TECRL: variants seen among roughly 807,000 people sequenced by gnomAD.
TECRL encodes the protein trans-2,3-enoyl-CoA reductase-like.
TECRL carries 63 observed loss-of-function variants against 52.8 expected under a neutral mutation model. The ratio of observed to expected loss-of-function variants is 1.19; its 90% CI spans 0.97 to 1.47. The LOEUF (loss-of-function observed/expected upper bound fraction) is 1.47. TECRL is among the 40% of genes most tolerant of loss of function. The pLI, the probability that TECRL is intolerant of heterozygous loss-of-function variation, is 0.00. For synonymous variants in TECRL, 164 were observed against 141.9 expected, an observed-to-expected ratio of 1.16 and a Z score of -1.10; for missense variants, 482 against 429.6, an observed-to-expected ratio of 1.12 and a Z score of -1.08.
intron 2 of TECRL, among the ~76,000 whole-genome samples, chr4:64,362,773 A>G (rs934039238): frequency 4.6e-5 from 7 of 152,132 alleles, no homozygotes; most frequent in Non-Finnish European, 1.0e-4. Context: ...CATTGACTCT[A>G]AAAACAAGTG....
rs543266534 is a variant in TECRL at position 64,299,956 on chromosome 4, T to C, written c.774+18A>G. 95 of 1,503,638 alleles carry C rather than the reference T, an allele frequency of 6.3e-5. 3 individuals carry two copies. The South Asian group carries it at 1.1e-3, about 17-fold the overall frequency. 93.1% of individuals were successfully genotyped at this position (1,503,638 alleles called of 1,614,324 possible). A position where few individuals can be genotyped will look rare whatever the true frequency, so the allele number is the denominator to read the frequency against. ...CAAAATTAGAGCGTGAATAGCAAAA[T>C]ATATATATGATACATACCAGAAAAT... On this transcript the variant is annotated intron_variant, in intron 8 of 11. Coordinates refer to ENST00000381210, the MANE Select transcript of TECRL (RefSeq NM_001010874.5).
chr4:64,299,643 T>A (rs2109972427), intron 8 of TECRL, among the ~76,000 whole-genome samples: 1 of 151,162 alleles, frequency 6.6e-6, no homozygotes, highest in Non-Finnish European at 1.5e-5. Flanking sequence ...TTGGGGTGTT[T>A]GTCTGTAAGA....
At chr4:64,280,472 T>G (rs1722767214) in intron 11 of TECRL, among the ~76,000 whole-genome samples, 1 of 152,178 alleles carries the variant, frequency 6.6e-6, no homozygotes, top group Admixed American at 6.5e-5. Flanking sequence ...TTTATTTTTG[T>G]ACTTAAAAAT....
chr4:64,367,405 A>G (rs1721673727), intron 2 of TECRL, among the ~76,000 whole-genome samples: 1 of 152,162 alleles, frequency 6.6e-6, no homozygotes, highest in African/African-American at 2.4e-5. Flanking sequence ...AAATAATAAA[A>G]TAAAATTCTT....
intron 2 of TECRL, among the ~76,000 whole-genome samples, chr4:64,344,613 A>AGTGTAATTTAAAATTAAG (rs979699870): frequency 6.6e-6 from 1 of 152,198 alleles, no homozygotes; most frequent in Non-Finnish European, 1.5e-5. Context: ...TTTAAAACAA[A>AGTGTAATTTAAAATTAAG]GTGTAATTTA....
In TECRL at chr4:64,314,661, G is replaced by A; in HGVS notation, c.538C>T (p.His180Tyr). Residue 180 changes from histidine (H) to tyrosine (Y), a missense_variant, in exon 5 of 12, where the codon CAC (histidine) becomes TAC (tyrosine). Transcript: ENST00000381210. ...DGKESARRLR[H>Y]PVVHLACFCH... The stretch of plus-strand genomic sequence containing the variant: ...TGTATCACTTACTGTACCACTGGGT[G>A]GCGTAATCTTCTAGCACTCTCTTTT... 1.9e-6 allele frequency: 3 copies of A among 1,596,386 alleles called. No individual in the cohort carries two copies. The highest frequency in any genetic ancestry group is 2.6e-6 in the Non-Finnish European group (3 of 1,166,506).
chr4:64,331,718 C>A (rs1169518025), intron 2 of TECRL, among the ~76,000 whole-genome samples: 1 of 151,914 alleles, frequency 6.6e-6, no homozygotes, highest in Non-Finnish European at 1.5e-5. Flanking sequence ...ACCTTTTGTA[C>A]CTTATGATTA....
intron 1 of TECRL, among the ~76,000 whole-genome samples, chr4:64,408,096 G>T (rs971882948): frequency 1.3e-5 from 2 of 151,570 alleles, no homozygotes; most frequent in South Asian, 4.1e-4. Flanking sequence ...ATGAATTAAA[G>T]TTAATATAAC....
At chr4:64,360,437 A>G (rs1721094393) in intron 2 of TECRL, among the ~76,000 whole-genome samples, 1 of 152,056 alleles carries the variant, frequency 6.6e-6, no homozygotes, top group South Asian at 2.1e-4. Context: ...AAATGAAAAT[A>G]TACAGACAAA....
At chr4:64,345,858 T>A (rs1168377801) in intron 2 of TECRL, among the ~76,000 whole-genome samples, 1 of 123,204 alleles carries the variant, frequency 8.1e-6, no homozygotes, top group Non-Finnish European at 1.6e-5. Context: ...TTGTAACATC[T>A]TCTTCCACTG....
intron 2 of TECRL, among the ~76,000 whole-genome samples, chr4:64,336,394 C>G (rs906971905): frequency 6.6e-6 from 1 of 151,846 alleles, no homozygotes; most frequent in Non-Finnish European, 1.5e-5. Context: ...CTATTTGAAT[C>G]TTCTCTCTTC....
intron 8 of TECRL, among the ~76,000 whole-genome samples, chr4:64,292,852 T>C (rs1723466376): frequency 6.6e-6 from 1 of 152,070 alleles, no homozygotes; most frequent in South Asian, 2.1e-4. Context: ...TAATATGTAA[T>C]GTTCTTTTTC....
At chr4:64,328,689 A>T in intron 2 of TECRL, 133 bp from the exon 3 acceptor site, 1 of 696,494 alleles carries the variant, frequency 1.4e-6, no homozygotes, top group South Asian at 1.9e-5. Context: ...AGAAATAGAA[A>T]TAGTGGTTAC....
chr4:64,364,710 T>G (rs2109629538), intron 2 of TECRL, among the ~76,000 whole-genome samples: 1 of 151,562 alleles, frequency 6.6e-6, no homozygotes, highest in African/African-American at 2.4e-5. Context: ...TTGAAAAAAA[T>G]AAATTGAAAT....
intron 9 of TECRL, among the ~76,000 whole-genome samples, chr4:64,287,323 C>T (rs978022697): frequency 2.0e-5 from 3 of 152,142 alleles, no homozygotes; most frequent in East Asian, 1.9e-4. Flanking sequence ...CATATATTCA[C>T]CATTGTTCTA....
chr4:64,387,431 G>A (rs1384862496), intron 1 of TECRL, among the ~76,000 whole-genome samples: 2 of 152,088 alleles, frequency 1.3e-5, no homozygotes, highest in Non-Finnish European at 2.9e-5. Flanking sequence ...ATACCAAGGA[G>A]CATGACTGCT....
rs535012392 is a variant in TECRL at position 64,374,631 on chromosome 4, A to C, written c.286+541T>G. Among the ~76,000 whole-genome samples, 33 of 151,092 alleles carry C rather than the reference A, an allele frequency of 2.2e-4. No individual in the cohort carries two copies. The East Asian group carries it at 6.5e-3, about 30-fold the overall frequency. The stretch of plus-strand genomic sequence containing the variant: ...CTGTGTCCATGTGTTCTCATTGTTC[A>C]ATTCCCACCTATGAGTGAGAACATG... On this transcript the variant is annotated intron_variant, in intron 2 of 11. Transcript: ENST00000381210.
chr4:64,362,933 T>C (rs905326480), intron 2 of TECRL, among the ~76,000 whole-genome samples: 2 of 151,762 alleles, frequency 1.3e-5, no homozygotes, highest in African/African-American at 2.4e-5. Context: ...AACTGTAGGC[T>C]ATGTTCAAGA....
At chr4:64,382,195 A>G (rs1285873780) in intron 1 of TECRL, among the ~76,000 whole-genome samples, 1 of 816 alleles carries the variant, frequency 1.2e-3, no homozygotes, top group African/African-American at 1.6e-3. Flanking sequence ...ATTTCTGTAT[A>G]TATATATATA....
Sources: gnomAD v4.1 joint callset for allele counts (sites outside exome capture counted in the v4.1 genomes callset) on GRCh38, gnomAD v4.1.1 for gene constraint, MANE v1.5 for transcripts, NCBI Gene and HGNC (gene_info 2026-07-23, HGNC 2026-07-21) for gene names.